MDFI: variants seen among roughly 807,000 people sequenced by gnomAD.
The protein encoded by MDFI is MyoD family inhibitor, also known as inhibitor of MyoD family a.
Under a neutral mutation model 22.3 loss-of-function variants are expected in MDFI, and 16 were observed. That is an observed-to-expected ratio of 0.72 (90% CI 0.49 to 1.09). The LOEUF is 1.09. MDFI is among the 50% of genes least tolerant of loss of function. MDFI has a pLI of 0.00. For synonymous variants in MDFI, 145 were observed against 142.7 expected, an observed-to-expected ratio of 1.02 and a Z score of -0.12; for missense variants, 314 against 326.1, an observed-to-expected ratio of 0.96 and a Z score of 0.29.
At chr6:41,647,371 G>A (rs981001768) in intron 3 of MDFI, among the ~76,000 whole-genome samples, 2 of 152,090 alleles carry the variant, frequency 1.3e-5, no homozygotes, top group African/African-American at 2.4e-5. Flanking sequence ...ACACACTCCC[G>A]CCCTCTGGTC....
At chr6:41,644,329 C>T (rs1767969103) in intron 2 of MDFI, among the ~76,000 whole-genome samples, 1 of 152,210 alleles carries the variant, frequency 6.6e-6, no homozygotes, top group African/African-American at 2.4e-5. Flanking sequence ...ACATAACTCT[C>T]CTGCCCTGCA....
In MDFI at chr6:41,653,681, T is replaced by C; in HGVS notation, c.*106T>C. 1 of 1,424,608 alleles carries C rather than the reference T, an allele frequency of 7.0e-7. No homozygotes were observed. The highest frequency in any genetic ancestry group is 1.3e-5 in the South Asian group (1 of 77,716). The allele number at this position is 1,424,608 out of a possible 1,614,324, so 88.2% of individuals were successfully genotyped here. On this transcript the variant is annotated 3_prime_UTR_variant, in exon 5 of 5. Transcript: ENST00000230321. The surrounding 1 kb of genome is among the most constrained non-coding windows in gnomAD (Gnocchi z 4.2). ...GTCACACAAGGCTTGAGAAGCCCCC[T>C]CTCCCTGGTCCTCTCCTACCCACCC...
At chr6:41,647,838 C>T (rs1054981075) in intron 3 of MDFI, among the ~76,000 whole-genome samples, 2 of 151,806 alleles carry the variant, frequency 1.3e-5, no homozygotes, top group Admixed American at 6.6e-5. Context: ...GTCAGGAGAT[C>T]GAGACCATCC....
At chr6:41,637,899 A>G (rs1767697240), upstream of MDFI, among the ~76,000 whole-genome samples, 10 of 152,300 alleles carry the variant, frequency 6.6e-5, no homozygotes, top group African/African-American at 2.2e-4. The surrounding 1 kb of genome is among the most constrained non-coding windows in gnomAD (Gnocchi z 6.8). Flanking sequence ...GGCACAGGGC[A>G]GGCTGGTTGG....
At position 41,649,755 on chromosome 6, in the gene MDFI, A is replaced by T. The variant is rs780914570; in HGVS notation, c.396A>T (p.Thr132=). The T allele has an allele frequency of 6.2e-7, 1 of 1,613,996 alleles. No individual in the cohort carries two copies. Among genetic ancestry groups the T allele is most frequent in the East Asian group, 2.2e-5 (1 of 44,888 alleles). Residue 132 remains threonine, a synonymous_variant, in exon 4 of 5, where the codon ACA becomes ACT. Transcript: ENST00000230321. ...GGPKAHRKLQ[T]HPSLASQGSK... Reference sequence around the variant, plus strand: ...CCAAGGCCCACCGGAAGTTGCAGACACACCCATCTCTCGCCAGCCAGGGCA... The same window carrying T: ...CCAAGGCCCACCGGAAGTTGCAGACTCACCCATCTCTCGCCAGCCAGGGCA...
chr6:41,645,967 C>T (rs1309119685), intron 2 of MDFI, among the ~76,000 whole-genome samples, 159 bp from the exon 3 acceptor site: 1 of 152,194 alleles, frequency 6.6e-6, no homozygotes, highest in Non-Finnish European at 1.5e-5. Context: ...TATTTTGGAG[C>T]CCGGTGCTGT....
intron 2 of MDFI, chr6:41,639,910 C>T (rs1767786142): frequency 2.0e-6 from 2 of 985,366 alleles, no homozygotes; most frequent in Admixed American, 6.1e-5. Flanking sequence ...TCTCCACTCC[C>T]CACCTACTTG....
upstream of MDFI, among the ~76,000 whole-genome samples, chr6:41,637,713 C>T (rs1767692055): frequency 6.6e-6 from 1 of 152,150 alleles, no homozygotes; most frequent in African/African-American, 2.4e-5. This position sits in a 1 kb window ranked among gnomAD's most constrained non-coding sequence, Gnocchi z 6.8. Flanking sequence ...GGGAGAGGCT[C>T]CCTCCCTCCC....
intron 4 of MDFI, among the ~76,000 whole-genome samples, chr6:41,652,995 C>G (rs962285846): frequency 1.1e-4 from 16 of 152,090 alleles, no homozygotes; most frequent in Admixed American, 7.2e-4. Context: ...CATTGGAGGC[C>G]TAAATGAATG....
At chr6:41,639,980 A>C in intron 2 of MDFI, 1 of 955,668 alleles carries the variant, frequency 1.0e-6, no homozygotes, top group Non-Finnish European at 1.2e-6. Flanking sequence ...GACAAGTGGA[A>C]GATGTCTGGC....
chr6:41,639,380 C>A, intron 2 of MDFI: 1 of 985,428 alleles, frequency 1.0e-6, no homozygotes, highest in Non-Finnish European at 1.2e-6. Flanking sequence ...CCGCCCCTGC[C>A]CTGTGCACAC....
chr6:41,638,986 A>T lies in MDFI; in HGVS notation c.76+161A>T, dbSNP rs1427588827. ...CTGGGTTTGAGGACTTGGTCCAAGG[A>T]GAGTAGGGGGCTGGGCGAGGGAGGC... On this transcript the variant is annotated intron_variant, in intron 2 of 4. Transcript: ENST00000230321. This position sits in a 1 kb window ranked among gnomAD's most constrained non-coding sequence, Gnocchi z 7.6. Among the ~76,000 whole-genome samples, 1 of 152,048 alleles carries T rather than the reference A, an allele frequency of 6.6e-6. No homozygotes were observed. Among genetic ancestry groups the T allele is most frequent in the East Asian group, 1.9e-4 (1 of 5,134 alleles).
intron 3 of MDFI, 115 bp from the exon 4 acceptor site, chr6:41,649,504 C>A: frequency 1.1e-6 from 1 of 934,360 alleles, no homozygotes; most frequent in Non-Finnish European, 1.6e-6. Context: ...GGATACAGGT[C>A]TGGCTGGGTG....
At chr6:41,651,753 C>T (rs1768279204) in intron 4 of MDFI, among the ~76,000 whole-genome samples, 1 of 152,194 alleles carries the variant, frequency 6.6e-6, no homozygotes, top group Admixed American at 6.5e-5. Context: ...GCCCCCTGGC[C>T]AGGAGAGCTG....
chr6:41,643,807 A>C (rs1767950369), intron 2 of MDFI, among the ~76,000 whole-genome samples: 1 of 128,278 alleles, frequency 7.8e-6, no homozygotes, highest in Non-Finnish European at 1.8e-5. Context: ...TTAGGACTGC[A>C]AAGTAACCCA....
chr6:41,653,947 C>T lies in MDFI; in HGVS notation c.*372C>T, dbSNP rs148196127. The T allele has an allele frequency of 1.5e-3, 450 of 301,976 alleles. 2 individuals are homozygous for T. Among genetic ancestry groups the T allele is most frequent in the African/African-American group, 8.5e-3 (403 of 47,354 alleles). The allele number at this position is 301,976 out of a possible 1,614,324, so 18.7% of individuals were successfully genotyped here. A position where few individuals can be genotyped will look rare whatever the true frequency, so the allele number is the denominator to read the frequency against. On this transcript the variant is annotated 3_prime_UTR_variant, in exon 5 of 5. Transcript: ENST00000230321. The surrounding 1 kb of genome is among the most constrained non-coding windows in gnomAD (Gnocchi z 4.2). ...CTTGGGGAGGGTGGGCCGGTGGGGCCGTAGCTCTCTACCTCTCCCTGCTCC... is the reference window on the plus strand; with the variant it reads ...CTTGGGGAGGGTGGGCCGGTGGGGCTGTAGCTCTCTACCTCTCCCTGCTCC...
At position 41,653,633 on chromosome 6, in the gene MDFI, T is replaced by C. The variant is rs865950334; in HGVS notation, c.*58T>C. 1.6e-5 allele frequency: 26 copies of C among 1,587,882 alleles called. No individual in the cohort carries two copies. In the African/African-American group the frequency reaches 3.3e-4, roughly 20 times the overall value. On this transcript the variant is annotated 3_prime_UTR_variant, in exon 5 of 5. Transcript: ENST00000230321. The surrounding 1 kb of genome is among the most constrained non-coding windows in gnomAD (Gnocchi z 4.2). ...CCTGCAGATTCCAGCAGGGTCCCTC[T>C]GAGTGGGGCCAGGCCCAGGACTGTC...
At chr6:41,651,804 T>A (rs2127436156) in intron 4 of MDFI, among the ~76,000 whole-genome samples, 1 of 152,326 alleles carries the variant, frequency 6.6e-6, no homozygotes, top group South Asian at 2.1e-4. Flanking sequence ...CACGGAGGGC[T>A]GCAGGACGTG....
chr6:41,646,066 C>T (rs943972579), intron 2 of MDFI, 60 bp from the exon 3 acceptor site: 12 of 1,387,520 alleles, frequency 8.6e-6, no homozygotes, highest in African/African-American at 6.0e-5. Flanking sequence ...GCGGGGCCCA[C>T]GGCTGGGCAA....
Sources: gnomAD v4.1 joint callset for allele counts (sites outside exome capture counted in the v4.1 genomes callset) on GRCh38, gnomAD v4.1.1 for gene constraint, Gnocchi (gnomAD v3.1) non-coding constraint, MANE v1.5 for transcripts, NCBI Gene and HGNC (gene_info 2026-07-23, HGNC 2026-07-21) for gene names.